Variants in PTPRD observed in about 807,000 individuals in gnomAD.
PTPRD encodes the protein protein tyrosine phosphatase receptor type D, also known as receptor-type tyrosine-protein phosphatase delta.
In PTPRD, 34 loss-of-function variants were observed where a neutral mutation model predicts 214.5. That is an observed-to-expected ratio of 0.16 (90% CI 0.12 to 0.21). PTPRD has a LOEUF of 0.21. Among genes scored for constraint, PTPRD ranks in the 10% least tolerant of loss-of-function variants. The probability of loss-of-function intolerance (pLI) is 1.00; values close to 1 mark genes in which losing one functional copy is unlikely to be tolerated. For missense variants in PTPRD, 2,545 were observed against 2,398.7 expected (o/e 1.06, Z -1.27); for synonymous variants, 1,128 against 845.7 (o/e 1.33, Z -5.79).
intron 14 of PTPRD, among the ~76,000 whole-genome samples, chr9:8,618,313 T>G: frequency 6.6e-6 from 1 of 152,120 alleles, no homozygotes; most frequent in Admixed American, 6.6e-5. Context: ...TGATACATAT[T>G]AAATGAAGAC....
intron 3 of PTPRD, among the ~76,000 whole-genome samples, chr9:10,100,831 T>G (rs1482418283): frequency 1.3e-5 from 2 of 151,384 alleles, no homozygotes; most frequent in African/African-American, 4.8e-5. Context: ...AAGAGAAAAT[T>G]GAAGCTTAAA....
chr9:9,751,586 G>C (rs2098520125), intron 6 of PTPRD, among the ~76,000 whole-genome samples: 1 of 152,086 alleles, frequency 6.6e-6, no homozygotes, highest in Non-Finnish European at 1.5e-5. Context: ...ATGTTGAAGT[G>C]GGATGGACCA....
chr9:8,493,900 G>T (rs879664433), intron 26 of PTPRD, among the ~76,000 whole-genome samples: 5 of 151,960 alleles, frequency 3.3e-5, no homozygotes, highest in Non-Finnish European at 5.9e-5. Context: ...TAGAGATTCT[G>T]GCTATTAGCT....
At position 8,822,737 on chromosome 9, in the gene PTPRD, T is replaced by A. The variant is rs996218423; in HGVS notation, c.-103-88791A>T. Among the ~76,000 whole-genome samples, 4 of 152,230 alleles carry A rather than the reference T, an allele frequency of 2.6e-5. No homozygotes were observed. In the South Asian group the frequency reaches 8.3e-4, roughly 32 times the overall value. On this transcript the variant is annotated intron_variant, in intron 11 of 45. Transcript: ENST00000381196. ...CATAGGAAACCAAAGCTAACAGAGA[T>A]TAAGCAATTTGCCCAAGGTCCCGCA...
chr9:10,431,986 G>C (rs537939595), intron 2 of PTPRD, among the ~76,000 whole-genome samples: 2 of 151,892 alleles, frequency 1.3e-5, no homozygotes, highest in Admixed American at 6.6e-5. Context: ...ACATGCACAC[G>C]TATGTTTATT....
intron 2 of PTPRD, among the ~76,000 whole-genome samples, chr9:10,499,473 G>A (rs1015369817): frequency 6.6e-6 from 1 of 151,862 alleles, no homozygotes. Flanking sequence ...GACAGTTCAT[G>A]TTTTCCTGAA....
chr9:10,060,379 G>A (rs1363973927), intron 3 of PTPRD, among the ~76,000 whole-genome samples: 1 of 151,976 alleles, frequency 6.6e-6, no homozygotes, highest in South Asian at 2.1e-4. Flanking sequence ...ACTCTTTCCC[G>A]TTAAAATAAC....
chr9:8,891,793 G>A (rs1310985862), intron 11 of PTPRD, among the ~76,000 whole-genome samples: 1 of 152,058 alleles, frequency 6.6e-6, no homozygotes, highest in Non-Finnish European at 1.5e-5. Flanking sequence ...AGGAACCACT[G>A]GAAGCAAAAT....
At chr9:9,842,923 T>C (rs1037254560) in intron 5 of PTPRD, among the ~76,000 whole-genome samples, 7 of 152,154 alleles carry the variant, frequency 4.6e-5, no homozygotes, top group African/African-American at 9.6e-5. Context: ...AGGGTACTCA[T>C]GTAAAACTTT....
chr9:9,023,210 G>C (rs183859315), intron 10 of PTPRD, among the ~76,000 whole-genome samples: 52 of 152,238 alleles, frequency 3.4e-4, no homozygotes, highest in African/African-American at 1.2e-3. Flanking sequence ...AGACATCATA[G>C]CTAAATGTGG....
intron 14 of PTPRD, among the ~76,000 whole-genome samples, chr9:8,562,329 A>C (rs1315982327): frequency 6.6e-6 from 1 of 152,142 alleles, no homozygotes; most frequent in Non-Finnish European, 1.5e-5. Flanking sequence ...GACAATATTA[A>C]TTATATTGTC....
intron 3 of PTPRD, among the ~76,000 whole-genome samples, chr9:10,304,431 G>A (rs1021995084): frequency 6.6e-6 from 1 of 152,114 alleles, no homozygotes; most frequent in Non-Finnish European, 1.5e-5. Flanking sequence ...GCAGGAGAAA[G>A]AAATAAACAG....
chr9:8,594,420 G>A (rs1283759507), intron 14 of PTPRD, among the ~76,000 whole-genome samples: 1 of 152,092 alleles, frequency 6.6e-6, no homozygotes, highest in Non-Finnish European at 1.5e-5. Flanking sequence ...ACAAACATCA[G>A]AACTCAAATA....
chr9:10,305,235 A>G (rs2096017124), intron 3 of PTPRD, among the ~76,000 whole-genome samples: 1 of 152,118 alleles, frequency 6.6e-6, no homozygotes, highest in African/African-American at 2.4e-5. Flanking sequence ...TCCCTTGCTT[A>G]CACCTTATAG....
intron 10 of PTPRD, among the ~76,000 whole-genome samples, chr9:9,121,252 G>A (rs1047726913): frequency 6.6e-6 from 1 of 152,192 alleles, no homozygotes; most frequent in South Asian, 2.1e-4. Context: ...AGCTGCTGTG[G>A]AAAACAGTGT....
intron 2 of PTPRD, among the ~76,000 whole-genome samples, chr9:10,479,905 GTTA>G (rs2099087008): frequency 6.6e-6 from 1 of 152,070 alleles, no homozygotes; most frequent in South Asian, 2.1e-4. Context: ...GAAGGGGCTT[GTTA>G]TTGCAGGGAT....
At chr9:8,801,520 C>T (rs2096570054) in intron 11 of PTPRD, among the ~76,000 whole-genome samples, 1 of 152,060 alleles carries the variant, frequency 6.6e-6, no homozygotes. Context: ...AGTTTGAGAC[C>T]AGCCTGACCA....
intron 12 of PTPRD, among the ~76,000 whole-genome samples, chr9:8,637,410 T>C (rs1595807125): frequency 6.6e-6 from 1 of 152,212 alleles, no homozygotes; most frequent in Non-Finnish European, 1.5e-5. Context: ...TTGTAAGCTG[T>C]CTTACTTGAA....
At chr9:8,539,166 C>G (rs1470691683) in intron 14 of PTPRD, among the ~76,000 whole-genome samples, 1 of 151,906 alleles carries the variant, frequency 6.6e-6, no homozygotes, top group Non-Finnish European at 1.5e-5. Context: ...TGCATCCATA[C>G]TGATATAAAT....
Sources: gnomAD v4.1 joint callset for allele counts (sites outside exome capture counted in the v4.1 genomes callset) on GRCh38, gnomAD v4.1.1 for gene constraint, MANE v1.5 for transcripts, NCBI Gene and HGNC (gene_info 2026-07-23, HGNC 2026-07-21) for gene names.